The following CACHD1 variants were observed in gnomAD, a reference collection of about 807,000 sequenced individuals.
CACHD1 encodes cache domain containing 1, also known as VWFA and cache domain-containing protein 1.
Under a neutral mutation model 138.7 loss-of-function variants are expected in CACHD1, and 71 were observed. That is an observed-to-expected ratio of 0.51 (90% CI 0.42 to 0.62). The LOEUF (loss-of-function observed/expected upper bound fraction) is 0.62, where lower values mean the gene tolerates loss of function less well. CACHD1 is among the 20% of genes least tolerant of loss of function. The pLI, the probability that CACHD1 is intolerant of heterozygous loss-of-function variation, is 0.00. For missense variants in CACHD1, 1,389 were observed against 1,625.3 expected (o/e 0.85, Z 2.50); for synonymous variants, 578 against 591.5 (o/e 0.98, Z 0.33).
intron 1 of CACHD1, among the ~76,000 whole-genome samples, chr1:64,533,740 T>TTC (rs1553130301): frequency 3.1e-5 from 4 of 129,690 alleles, no homozygotes; most frequent in Non-Finnish European, 4.6e-5. Flanking sequence ...TATCTTTTTC[T>TTC]TCTCTCTCTT....
chr1:64,479,147 A>C (rs917403331), intron 1 of CACHD1, among the ~76,000 whole-genome samples: 4 of 152,204 alleles, frequency 2.6e-5, no homozygotes, highest in African/African-American at 9.7e-5. Flanking sequence ...TTTCTTTGTG[A>C]TACAAAGGAG....
chr1:64,634,889 G>A (rs928117605), intron 7 of CACHD1, among the ~76,000 whole-genome samples: 7 of 151,232 alleles, frequency 4.6e-5, no homozygotes, highest in Middle Eastern at 3.4e-3. Context: ...CCAGCTCCTC[G>A]GGAGGCTGAG....
chr1:64,477,035 C>T (rs12096174), intron 1 of CACHD1, among the ~76,000 whole-genome samples: 203 of 152,276 alleles, frequency 1.3e-3, no homozygotes, highest in African/African-American at 4.4e-3. Context: ...TTTGACTCAG[C>T]CAGTTAGTTA....
intron 1 of CACHD1, among the ~76,000 whole-genome samples, chr1:64,545,762 ATTAAC>A (rs1174331579): frequency 3.3e-5 from 5 of 152,206 alleles, no homozygotes; most frequent in African/African-American, 7.2e-5. Context: ...TATCCATATA[ATTAAC>A]TTGAGAAGAT....
intron 1 of CACHD1, among the ~76,000 whole-genome samples, chr1:64,520,570 A>C (rs147388763): frequency 1.3e-5 from 2 of 152,184 alleles, no homozygotes; most frequent in African/African-American, 4.8e-5. Flanking sequence ...CTCATTACCT[A>C]TACTGAATTA....
At chr1:64,661,205 G>C (rs1298303293) in intron 13 of CACHD1, among the ~76,000 whole-genome samples, 3 of 152,158 alleles carry the variant, frequency 2.0e-5, no homozygotes, top group Non-Finnish European at 4.4e-5. Flanking sequence ...GGGTTTAGAG[G>C]CCAGGTCTTA....
At chr1:64,620,335 A>G (rs1252901611) in intron 4 of CACHD1, among the ~76,000 whole-genome samples, 4 of 152,300 alleles carry the variant, frequency 2.6e-5, no homozygotes, top group East Asian at 1.9e-4. Context: ...CACAGAGACT[A>G]TCCTTACAGT....
intron 17 of CACHD1, 51 bp from the exon 18 acceptor site, chr1:64,673,104 GAAA>G: frequency 1.6e-6 from 2 of 1,258,682 alleles, no homozygotes; most frequent in Non-Finnish European, 2.3e-6. Flanking sequence ...GAATACGTTT[GAAA>G]AAAAAAAAAA....
intron 9 of CACHD1, among the ~76,000 whole-genome samples, chr1:64,650,600 C>G (rs989736770): frequency 1.3e-5 from 2 of 152,212 alleles, no homozygotes; most frequent in African/African-American, 4.8e-5. Context: ...GTATCCACTT[C>G]TTCCTATCAA....
intron 15 of CACHD1, among the ~76,000 whole-genome samples, chr1:64,665,759 G>C (rs910914657): frequency 2.0e-5 from 3 of 152,164 alleles, no homozygotes; most frequent in African/African-American, 7.2e-5. Context: ...ACTCACACTT[G>C]TAATCTCAGC....
chr1:64,681,546 T>G (rs927353413), intron 25 of CACHD1, among the ~76,000 whole-genome samples: 4 of 113,080 alleles, frequency 3.5e-5, no homozygotes, highest in African/African-American at 5.7e-5. Context: ...ATTGTGTTTT[T>G]TTTTTTTTTT....
At chr1:64,529,080 G>A (rs977054070) in intron 1 of CACHD1, among the ~76,000 whole-genome samples, 3 of 152,012 alleles carry the variant, frequency 2.0e-5, no homozygotes, top group Non-Finnish European at 4.4e-5. Context: ...TCTATAGTCT[G>A]GTGTTTGTTT....
chr1:64,569,567 C>A (rs1561170), intron 2 of CACHD1, among the ~76,000 whole-genome samples: 1 of 149,656 alleles, frequency 6.7e-6, no homozygotes, highest in Non-Finnish European at 1.5e-5. Context: ...AGAGGAGCAG[C>A]GGGGGCCTTG....
chr1:64,681,933 C>T (rs751683177), intron 25 of CACHD1, 72 bp from the exon 26 acceptor site: 1 of 1,324,592 alleles, frequency 7.5e-7, no homozygotes, highest in Admixed American at 1.7e-5. Context: ...TGAGCCCTCT[C>T]AGAGCAAATG....
At chr1:64,582,344 A>G (rs753619205) in intron 3 of CACHD1, 40 bp downstream of exon 3, 2 of 1,556,338 alleles carry the variant, frequency 1.3e-6, no homozygotes, top group African/African-American at 2.7e-5. Context: ...TAAACCAGAC[A>G]TTGAATTGCT....
intron 2 of CACHD1, among the ~76,000 whole-genome samples, chr1:64,565,665 A>G (rs1382823916): frequency 1.3e-5 from 2 of 152,296 alleles, no homozygotes; most frequent in East Asian, 3.9e-4. Context: ...TCTGAAAGAG[A>G]GCCTGAGAGG....
At chr1:64,561,053 G>C (rs1406310090) in intron 2 of CACHD1, among the ~76,000 whole-genome samples, 1 of 151,714 alleles carries the variant, frequency 6.6e-6, no homozygotes, top group Non-Finnish European at 1.5e-5. Flanking sequence ...TTCAATTATA[G>C]ATAGCATATA....
chr1:64,570,619 G>A (rs1418626594), intron 2 of CACHD1, among the ~76,000 whole-genome samples: 2 of 152,148 alleles, frequency 1.3e-5, no homozygotes, highest in Non-Finnish European at 2.9e-5. Flanking sequence ...TAGGGGATGA[G>A]AAGACCTTCC....
chr1:64,623,059 A>T (rs944277718), intron 4 of CACHD1, among the ~76,000 whole-genome samples: 2 of 152,224 alleles, frequency 1.3e-5, no homozygotes, highest in Non-Finnish European at 2.9e-5. Flanking sequence ...CATATTTAAA[A>T]TTATCATTGC....
Sources: gnomAD v4.1 joint callset for allele counts (sites outside exome capture counted in the v4.1 genomes callset) on GRCh38, gnomAD v4.1.1 for gene constraint, MANE v1.5 for transcripts, NCBI Gene and HGNC (gene_info 2026-07-23, HGNC 2026-07-21) for gene names.